HDGFL3: variants seen among roughly 807,000 people sequenced by gnomAD.
The protein encoded by HDGFL3 is HDGF like 3, also known as hepatoma-derived growth factor-related protein 3.
A neutral mutation model predicts 27.6 loss-of-function variants in HDGFL3; 6 were observed. The ratio of observed to expected loss-of-function variants is 0.22; its 90% CI spans 0.12 to 0.43. HDGFL3 has a LOEUF of 0.43. HDGFL3 is among the 20% of genes least tolerant of loss of function. HDGFL3 has a pLI of 1.00. For synonymous variants in HDGFL3, 88 were observed against 88.9 expected (o/e 0.99, Z 0.05); for missense variants, 207 against 250.1 (o/e 0.83, Z 1.16).
At chr15:83,146,633 G>A (rs775003504) in intron 5 of HDGFL3, among the ~76,000 whole-genome samples, 3 of 152,000 alleles carry the variant, frequency 2.0e-5, no homozygotes, top group Admixed American at 1.3e-4. Context: ...TACTCTCTGC[G>A]AAAACCTTAA....
At chr15:83,126,982 G>T, downstream of HDGFL3, 2 of 666,218 alleles carry the variant, frequency 3.0e-6, no homozygotes, top group Non-Finnish European at 5.0e-6. Context: ...CACGAGGTCA[G>T]GAGTTTGAAA....
At chr15:83,177,024 T>A (rs2037321260) in intron 1 of HDGFL3, among the ~76,000 whole-genome samples, 1 of 130,754 alleles carries the variant, frequency 7.6e-6, no homozygotes, top group Non-Finnish European at 1.6e-5. Context: ...TCCAAGCAAT[T>A]CTCCTGCCTC....
In HDGFL3 at chr15:83,134,060, T is replaced by C. The variant is rs948341629; in HGVS notation, c.*5210A>G. 4.6e-5 allele frequency: 7 copies of C among 152,166 alleles called. No homozygotes were observed. The highest frequency in any genetic ancestry group is 4.8e-5 in the African/African-American group (2 of 41,454). 9.4% of individuals were successfully genotyped at this position (152,166 alleles called of 1,614,324 possible). The stretch of plus-strand genomic sequence containing the variant: ...GAATAAAGAGGCCTACTAAAATACA[T>C]ACAAAACTAGAGAAATGCTTTGTAG... On this transcript the variant is annotated 3_prime_UTR_variant, in exon 6 of 6. Transcript: ENST00000299633.
intron 3 of HDGFL3, chr15:83,120,089 G>A (rs2035075604): frequency 5.4e-6 from 1 of 185,090 alleles, no homozygotes; most frequent in African/African-American, 2.3e-5. Context: ...CTAAGGCTTG[G>A]CTACATGGCT....
At chr15:83,125,436 CTACT>C (rs2035658078), downstream of HDGFL3, among the ~76,000 whole-genome samples, 1 of 152,194 alleles carries the variant, frequency 6.6e-6, no homozygotes, top group East Asian at 1.9e-4. Context: ...CTTGGAAAAA[CTACT>C]TAACCTCTTG....
intron 1 of HDGFL3, among the ~76,000 whole-genome samples, chr15:83,202,934 T>C (rs1466832595): frequency 6.6e-6 from 1 of 152,140 alleles, no homozygotes; most frequent in African/African-American, 2.4e-5. Context: ...TTGTTTCCTG[T>C]TCTATCATGA....
intron 1 of HDGFL3, among the ~76,000 whole-genome samples, chr15:83,201,605 A>G (rs1477624925): frequency 6.6e-6 from 1 of 152,212 alleles, no homozygotes; most frequent in African/African-American, 2.4e-5. Flanking sequence ...ATGAAGTTGT[A>G]CATAATTTTA....
exon 4 of HDGFL3, chr15:83,112,953 T>C (rs890513796): frequency 2.0e-5 from 28 of 1,388,948 alleles, no homozygotes; most frequent in Non-Finnish European, 2.8e-5. Flanking sequence ...CACAATACTT[T>C]CAGCCTCAGT....
chr15:83,140,190 G>A (rs1457191629), intron 5 of HDGFL3, among the ~76,000 whole-genome samples: 2 of 152,000 alleles, frequency 1.3e-5, no homozygotes, highest in South Asian at 2.1e-4. Flanking sequence ...TATAATAAAC[G>A]ATTCCAGGAC....
chr15:83,193,477 G>A (rs905727385), intron 1 of HDGFL3, among the ~76,000 whole-genome samples: 13 of 152,190 alleles, frequency 8.5e-5, no homozygotes, highest in African/African-American at 3.1e-4. Context: ...TGCATTGTTG[G>A]TGAGAATGTA....
chr15:83,202,613 G>A (rs893612474), intron 1 of HDGFL3, among the ~76,000 whole-genome samples: 2 of 152,102 alleles, frequency 1.3e-5, no homozygotes, highest in African/African-American at 2.4e-5. Flanking sequence ...AGAAGTATTA[G>A]TTCTCCTTTC....
In HDGFL3 at chr15:83,134,695, C is replaced by A. The variant is rs2036496517; in HGVS notation, c.*4575G>T. Reference sequence around the variant, plus strand: ...TCTCAAAGTATGGTTGGCATTTCCCCAAATTTGGTGATTTTGTGATGTGTA... The same window carrying A: ...TCTCAAAGTATGGTTGGCATTTCCCAAAATTTGGTGATTTTGTGATGTGTA... On this transcript the variant is annotated 3_prime_UTR_variant, in exon 6 of 6. Transcript: ENST00000299633. 1 of 152,188 alleles carries A rather than the reference C, an allele frequency of 6.6e-6. No homozygotes were observed. Among genetic ancestry groups the A allele is most frequent in the African/African-American group, 2.4e-5 (1 of 41,434 alleles). 9.4% of individuals were successfully genotyped at this position (152,188 alleles called of 1,614,324 possible). A position where few individuals can be genotyped will look rare whatever the true frequency, so the allele number is the denominator to read the frequency against.
In HDGFL3 at chr15:83,207,784, C is replaced by A. The variant is rs2037744323; in HGVS notation, c.-370G>T. 6.7e-6 allele frequency: 1 copy of A among 150,238 alleles called. No individual in the cohort carries two copies. The highest frequency in any genetic ancestry group is 6.6e-5 in the Admixed American group (1 of 15,076). 9.3% of individuals were successfully genotyped at this position (150,238 alleles called of 1,614,324 possible). On this transcript the variant is annotated 5_prime_UTR_variant, in exon 1 of 6. Coordinates refer to ENST00000299633, the MANE Select transcript of HDGFL3 (RefSeq NM_016073.4). This position sits in a 1 kb window ranked among gnomAD's most constrained non-coding sequence, Gnocchi z 4.8. ...CTCCCTCCCGGGCTCCCGGGCGCGG[C>A]GCGAGCGCCGGGCCTCGCGTCTGCT...
intron 1 of HDGFL3, among the ~76,000 whole-genome samples, chr15:83,186,411 T>C (rs2037442922): frequency 6.6e-6 from 1 of 152,304 alleles, no homozygotes; most frequent in African/African-American, 2.4e-5. Context: ...CCTATTGTAA[T>C]TTCCATTCTA....
At chr15:83,114,505 G>A (rs986372270) in exon 4 of HDGFL3, 1 of 152,400 alleles carries the variant, frequency 6.6e-6, no homozygotes, top group Non-Finnish European at 1.5e-5. Flanking sequence ...CACTGCCAAT[G>A]AGAACTGGGC....
chr15:83,188,735 CTACACT>C (rs1480881315), intron 1 of HDGFL3, among the ~76,000 whole-genome samples: 2 of 152,090 alleles, frequency 1.3e-5, no homozygotes, highest in African/African-American at 2.4e-5. Flanking sequence ...CTCTACCTAC[CTACACT>C]TACTTACTCC....
chr15:83,167,864 C>T (rs1333258575), intron 1 of HDGFL3, among the ~76,000 whole-genome samples: 1 of 152,152 alleles, frequency 6.6e-6, no homozygotes, highest in East Asian at 1.9e-4. Context: ...TTCTCATCTG[C>T]ACACAGAACA....
intron 5 of HDGFL3, among the ~76,000 whole-genome samples, chr15:83,147,200 C>G (rs1309715285): frequency 6.6e-6 from 1 of 151,978 alleles, no homozygotes; most frequent in Non-Finnish European, 1.5e-5. Flanking sequence ...GTAGTTGGGA[C>G]TACAGGCACG....
intron 1 of HDGFL3, among the ~76,000 whole-genome samples, chr15:83,194,612 T>C (rs987554135): frequency 8.5e-5 from 13 of 152,308 alleles, no homozygotes; most frequent in African/African-American, 3.1e-4. Context: ...CATAAAAAGC[T>C]TATTCCAAGT....
Sources: allele counts gnomAD v4.1 joint callset (sites outside exome capture counted in the v4.1 genomes callset), GRCh38; gene constraint gnomAD v4.1.1; non-coding constraint Gnocchi (gnomAD v3.1); transcripts MANE v1.5; gene names NCBI Gene and HGNC (gene_info 2026-07-23, HGNC 2026-07-21).